The following SLC4A4 variants were observed in gnomAD, a reference collection of about 807,000 sequenced individuals.
SLC4A4 encodes the protein solute carrier family 4 member 4.
Under a neutral mutation model 111.5 loss-of-function variants are expected in SLC4A4, and 27 were observed. The observed-to-expected ratio is 0.24, with a 90% CI of 0.18 to 0.33. SLC4A4 has a LOEUF of 0.33. Ranked by LOEUF, SLC4A4 falls within the 10% of genes least tolerant of loss-of-function variation. The pLI, the probability that SLC4A4 is intolerant of heterozygous loss-of-function variation, is 1.00. For missense variants in SLC4A4, 909 were observed against 1,315.5 expected (o/e 0.69, Z 4.78); for synonymous variants, 443 against 463.4 (o/e 0.96, Z 0.57).
intron 20 of SLC4A4, among the ~76,000 whole-genome samples, chr4:71,554,763 C>T (rs1736323577): frequency 6.6e-6 from 1 of 151,790 alleles, no homozygotes; most frequent in South Asian, 2.1e-4. Flanking sequence ...AGGCAACCAT[C>T]TATTAATACC....
At chr4:71,255,562 C>T (rs1447133708) in intron 3 of SLC4A4, among the ~76,000 whole-genome samples, 163 bp downstream of exon 3, 1 of 152,006 alleles carries the variant, frequency 6.6e-6, no homozygotes, top group Non-Finnish European at 1.5e-5. Context: ...TTGCTTGTAC[C>T]AGCAGGTTAA....
chr4:71,338,946 G>C (rs1022427821), intron 3 of SLC4A4: 13 of 742,836 alleles, frequency 1.8e-5, no homozygotes, highest in Non-Finnish European at 2.5e-5. Flanking sequence ...GGGACTTGGG[G>C]GATCTCAGGA....
chr4:71,112,669 C>T (rs914948524), intron 2 of SLC4A4, among the ~76,000 whole-genome samples: 5 of 152,136 alleles, frequency 3.3e-5, no homozygotes, highest in Non-Finnish European at 5.9e-5. Context: ...ACCTTGTGGG[C>T]TTGTAGAGAA....
chr4:71,492,674 T>G (rs886959846), intron 15 of SLC4A4, among the ~76,000 whole-genome samples: 3 of 151,958 alleles, frequency 2.0e-5, no homozygotes, highest in Non-Finnish European at 4.4e-5. Context: ...CTCTAATACT[T>G]TACTTCTTTT....
intron 2 of SLC4A4, among the ~76,000 whole-genome samples, chr4:71,132,624 T>C (rs910171960): frequency 5.3e-5 from 8 of 152,196 alleles, no homozygotes; most frequent in African/African-American, 1.9e-4. Flanking sequence ...GCCTTGCATA[T>C]TATAATAAGA....
At chr4:71,340,224 A>G (rs528189211) in intron 4 of SLC4A4, among the ~76,000 whole-genome samples, 1 of 152,240 alleles carries the variant, frequency 6.6e-6, no homozygotes, top group South Asian at 2.1e-4. Flanking sequence ...ACCCTGCCTC[A>G]AAAAATTAAA....
chr4:71,093,026 C>T (rs1437942830), intron 2 of SLC4A4, among the ~76,000 whole-genome samples: 6 of 149,750 alleles, frequency 4.0e-5, no homozygotes, highest in Middle Eastern at 3.5e-3. Flanking sequence ...ACTCAGGAGG[C>T]GGAGGTTGCA....
chr4:71,542,347 A>C (rs764684268), intron 18 of SLC4A4, among the ~76,000 whole-genome samples: 1 of 151,864 alleles, frequency 6.6e-6, no homozygotes, highest in East Asian at 1.9e-4. Context: ...TCTGCCTCTA[A>C]TCTTGACCAC....
At chr4:71,418,565 A>C (rs541813283) in intron 7 of SLC4A4, among the ~76,000 whole-genome samples, 5 of 152,316 alleles carry the variant, frequency 3.3e-5, no homozygotes, top group African/African-American at 1.2e-4. Context: ...CCTCTTAGAT[A>C]TTAGGCCAAC....
Position 71,560,131 on chromosome 4 carries a change from C to T in SLC4A4, c.2976C>T (p.Tyr992=), listed in dbSNP as rs908886827. 1 of 1,611,270 alleles carries T rather than the reference C, an allele frequency of 6.2e-7. No individual in the cohort carries two copies. The highest frequency in any genetic ancestry group is 8.5e-7 in the Non-Finnish European group (1 of 1,178,018). ...ALVAVRKGMD[Y]LFSQHDLSFL... ...TAGCTGTCAGAAAAGGCATGGACTACCTCTTCTCCCAGCACGACCTCAGCT... is the reference window on the plus strand; with the variant it reads ...TAGCTGTCAGAAAAGGCATGGACTATCTCTTCTCCCAGCACGACCTCAGCT... The change falls in exon 23 of 26, where the codon TAC becomes TAT. Residue 992 remains tyrosine, a synonymous_variant. Coordinates refer to ENST00000264485, the MANE Select transcript of SLC4A4 (RefSeq NM_001098484.3).
intron 3 of SLC4A4, chr4:71,301,294 C>T: frequency 8.1e-6 from 2 of 247,030 alleles, no homozygotes; most frequent in Admixed American, 5.1e-5. Context: ...TAGGGAGGAG[C>T]CGTGGAACAT....
At chr4:71,244,979 C>T (rs1040085095) in intron 2 of SLC4A4, among the ~76,000 whole-genome samples, 7 of 152,048 alleles carry the variant, frequency 4.6e-5, no homozygotes, top group Admixed American at 2.0e-4. Flanking sequence ...GTATCACATA[C>T]GTAGGTGAGT....
At position 71,245,767 on chromosome 4, in the gene SLC4A4, A is replaced by G. The variant is rs10029211; in HGVS notation, c.73+9118A>G. On this transcript the variant is annotated intron_variant, in intron 2 of 25. Coordinates refer to ENST00000264485, the MANE Select transcript of SLC4A4 (RefSeq NM_001098484.3). ...CTAGCATTTAAAGCCATAGGAATGG[A>G]TGATATTGCCCAGGGTCAAAGAATG... 6.5e-3 allele frequency among the ~76,000 whole-genome samples: 982 copies of G among 152,228 alleles called. 20 individuals are homozygous for G. The highest frequency in any genetic ancestry group is 0.022 in the African/African-American group (914 of 41,542).
intron 22 of SLC4A4, 85 bp from the exon 23 acceptor site, chr4:71,560,008 G>T (rs1452161997): frequency 9.6e-7 from 1 of 1,039,164 alleles, no homozygotes; most frequent in Non-Finnish European, 1.5e-6. Flanking sequence ...GTAGGTTTCT[G>T]TGGTCTTTGA....
chr4:71,396,079 G>A (rs914395987), intron 6 of SLC4A4, among the ~76,000 whole-genome samples: 7 of 152,172 alleles, frequency 4.6e-5, no homozygotes, highest in Non-Finnish European at 8.8e-5. Context: ...TTTGTATTGA[G>A]TGGACACTAG....
intron 1 of SLC4A4, among the ~76,000 whole-genome samples, chr4:71,227,630 T>C (rs1261234224): frequency 6.6e-6 from 1 of 152,118 alleles, no homozygotes; most frequent in Non-Finnish European, 1.5e-5. Flanking sequence ...CTTTCCTTAT[T>C]CTGCTGCTGG....
intron 16 of SLC4A4, among the ~76,000 whole-genome samples, chr4:71,514,509 C>A (rs1215217315): frequency 6.6e-6 from 1 of 152,084 alleles, no homozygotes. Context: ...TAAAGTAATG[C>A]GATAATTGAC....
At chr4:71,427,802 C>T (rs1723280354) in intron 7 of SLC4A4, among the ~76,000 whole-genome samples, 3 of 152,102 alleles carry the variant, frequency 2.0e-5, no homozygotes, top group Non-Finnish European at 4.4e-5. Context: ...GGCTTACAAC[C>T]ATCCACACAG....
At chr4:71,286,976 G>A (rs1723966954) in intron 3 of SLC4A4, among the ~76,000 whole-genome samples, 1 of 151,894 alleles carries the variant, frequency 6.6e-6, no homozygotes. Flanking sequence ...ACTTCTTGAG[G>A]TCATGCCTTT....
Sources: allele counts gnomAD v4.1 joint callset (sites outside exome capture counted in the v4.1 genomes callset), GRCh38; gene constraint gnomAD v4.1.1; transcripts MANE v1.5; gene names NCBI Gene and HGNC (gene_info 2026-07-23, HGNC 2026-07-21).